The following OSBPL6 variants were observed in gnomAD, a reference collection of about 807,000 sequenced individuals.
The protein encoded by OSBPL6 is oxysterol binding protein like 6, also known as oxysterol-binding protein-related protein 6.
OSBPL6 carries 49 observed loss-of-function variants against 125.8 expected under a neutral mutation model. The ratio of observed to expected loss-of-function variants is 0.39; its 90% CI spans 0.31 to 0.49. OSBPL6 has a LOEUF of 0.49. OSBPL6 is among the 20% of genes least tolerant of loss of function. The pLI, the probability that OSBPL6 is intolerant of heterozygous loss-of-function variation, is 0.88. For synonymous variants in OSBPL6, 394 were observed against 391.8 expected, an observed-to-expected ratio of 1.01 and a Z score of -0.07; for missense variants, 986 against 1,135.4, an observed-to-expected ratio of 0.87 and a Z score of 1.89.
intron 2 of OSBPL6, among the ~76,000 whole-genome samples, chr2:178,287,554 A>G (rs1684822797): frequency 6.6e-6 from 1 of 152,180 alleles, no homozygotes; most frequent in African/African-American, 2.4e-5. Flanking sequence ...AAAGTACCTG[A>G]AAATTTGTTT....
rs1408251696 is a variant in OSBPL6, at chr2:178,395,240, CT to C, written c.2697-210del. Among the ~76,000 whole-genome samples the C allele has an allele frequency of 3.3e-5, 5 of 152,200 alleles. No homozygotes were observed. In the East Asian group the frequency reaches 9.6e-4, roughly 29 times the overall value. On this transcript the variant is annotated intron_variant, in intron 24 of 24. Coordinates refer to ENST00000190611, the MANE Select transcript of OSBPL6 (RefSeq NM_032523.4). ...GTTCCTGCCCTGAGTTCCTCTCCCC[CT>C]GGCCCTACCTACTTCCATTTCACAC...
At chr2:178,344,018 G>T (rs559265174) in intron 11 of OSBPL6, among the ~76,000 whole-genome samples, 203 of 152,038 alleles carry the variant, frequency 1.3e-3, no homozygotes, top group Non-Finnish European at 1.3e-3. Context: ...CCTTAAAATC[G>T]CAGGCTGTCC....
intron 4 of OSBPL6, 38 bp from the exon 5 acceptor site, chr2:178,328,218 T>A (rs2154075506): frequency 6.2e-7 from 1 of 1,611,462 alleles, no homozygotes. Flanking sequence ...CATCAGGCAC[T>A]GAGTAACATG....
Position 178,385,692 on chromosome 2 carries a change from A to C in OSBPL6, c.2077+171A>C, listed in dbSNP as rs746073369. Among the ~76,000 whole-genome samples the C allele has an allele frequency of 2.6e-5, 4 of 152,242 alleles. No homozygotes were observed. In the East Asian group the frequency reaches 5.8e-4, roughly 22 times the overall value. ...ATCAAAATTCCTGGTTTCAACATGA[A>C]ACAGTTTCAGCTAGGAGATGAGATT... On this transcript the variant is annotated intron_variant, in intron 19 of 24. Coordinates refer to ENST00000190611, the MANE Select transcript of OSBPL6 (RefSeq NM_032523.4).
At chr2:178,198,655 T>TAAATAAATA (rs942613582) in intron 1 of OSBPL6, among the ~76,000 whole-genome samples, 2 of 151,006 alleles carry the variant, frequency 1.3e-5, no homozygotes, top group African/African-American at 2.4e-5. Context: ...AATAAATAAA[T>TAAATAAATA]AAGAGAACTG....
At position 178,234,518 on chromosome 2, in the gene OSBPL6, A is replaced by G. The variant is rs112708635; in HGVS notation, c.-351+39844A>G. Among the ~76,000 whole-genome samples the G allele has an allele frequency of 5.1e-3, 772 of 152,348 alleles. 6 individuals are homozygous for G. The highest frequency in any genetic ancestry group is 0.017 in the African/African-American group (699 of 41,586). On this transcript the variant is annotated intron_variant, in intron 1 of 24. Coordinates refer to ENST00000190611, the MANE Select transcript of OSBPL6 (RefSeq NM_032523.4). ...TACAGGGAGGTACTGTGTACATTTC[A>G]CTGTTTCCCCCAAAGGTAACATCTT...
intron 1 of OSBPL6, among the ~76,000 whole-genome samples, chr2:178,246,774 T>C (rs1419942063): frequency 6.6e-6 from 1 of 152,184 alleles, no homozygotes; most frequent in Non-Finnish European, 1.5e-5. Context: ...CTCACTCCAC[T>C]CCAGAAAGTC....
At chr2:178,301,691 G>A (rs1475582653) in intron 2 of OSBPL6, among the ~76,000 whole-genome samples, 1 of 152,048 alleles carries the variant, frequency 6.6e-6, no homozygotes, top group Non-Finnish European at 1.5e-5. Context: ...GACTCACCTA[G>A]GCCATGTGAC....
chr2:178,377,885 G>A (rs1297278987), intron 15 of OSBPL6, among the ~76,000 whole-genome samples: 1 of 152,172 alleles, frequency 6.6e-6, no homozygotes, highest in Non-Finnish European at 1.5e-5. Flanking sequence ...CTGGAGTGCA[G>A]TGGTGCAATC....
intron 12 of OSBPL6, among the ~76,000 whole-genome samples, chr2:178,353,266 G>C (rs1200163857): frequency 6.6e-6 from 1 of 152,166 alleles, no homozygotes; most frequent in African/African-American, 2.4e-5. Context: ...GGCATAAGTA[G>C]GCTTCAGAAG....
chr2:178,338,857 C>A, intron 9 of OSBPL6, 134 bp from the exon 10 acceptor site: 1 of 604,550 alleles, frequency 1.7e-6, no homozygotes, highest in Non-Finnish European at 2.9e-6. Flanking sequence ...TTTTGTTTCA[C>A]CTGCCAGTAT....
intron 1 of OSBPL6, among the ~76,000 whole-genome samples, chr2:178,203,145 T>C (rs2089345161): frequency 6.6e-6 from 1 of 152,184 alleles, no homozygotes; most frequent in Admixed American, 6.5e-5. Flanking sequence ...CTGTTTCACT[T>C]TGGATAGTTT....
intron 19 of OSBPL6, among the ~76,000 whole-genome samples, chr2:178,386,724 G>GAC (rs10578361): frequency 2.3e-3 from 340 of 144,836 alleles, no homozygotes; most frequent in Middle Eastern, 7.1e-3. Flanking sequence ...CACACACACA[G>GAC]ACACACACAC....
At chr2:178,317,047 G>A (rs1478505017) in intron 3 of OSBPL6, among the ~76,000 whole-genome samples, 4 of 151,812 alleles carry the variant, frequency 2.6e-5, no homozygotes, top group African/African-American at 9.7e-5. Context: ...GCTGGTTATG[G>A]GTGGTTTTAA....
At position 178,269,829 on chromosome 2, in the gene OSBPL6, A is replaced by T. The variant is rs80326095; in HGVS notation, c.-350-15098A>T. Among the ~76,000 whole-genome samples, 1,317 of 152,302 alleles carry T rather than the reference A, an allele frequency of 8.6e-3. 20 individuals are homozygous for T. Among genetic ancestry groups the T allele is most frequent in the African/African-American group, 0.03 (1,255 of 41,578 alleles). On this transcript the variant is annotated intron_variant, in intron 1 of 24. Transcript: ENST00000190611. The stretch of plus-strand genomic sequence containing the variant: ...GTAGGGCCATCACTTAGGAAGGCAA[A>T]TAATAGGAAAAGCATAGTGGCAGCC...
chr2:178,352,579 G>A (rs1480611016), intron 12 of OSBPL6, among the ~76,000 whole-genome samples: 1 of 152,212 alleles, frequency 6.6e-6, no homozygotes, highest in Non-Finnish European at 1.5e-5. Context: ...AAACAAAGCA[G>A]TCAGGAAGCT....
At chr2:178,382,537 C>G (rs1026918703) in intron 16 of OSBPL6, 30 bp downstream of exon 16, 13 of 1,613,710 alleles carry the variant, frequency 8.1e-6, no homozygotes, top group South Asian at 1.1e-5. Context: ...CCAGGTTGTT[C>G]TATCTACATG....
At chr2:178,233,202 T>C (rs537338379) in intron 1 of OSBPL6, among the ~76,000 whole-genome samples, 2 of 152,372 alleles carry the variant, frequency 1.3e-5, no homozygotes, top group South Asian at 4.1e-4. Flanking sequence ...TTTTCAGGCT[T>C]GGATAGGTTT....
intron 1 of OSBPL6, among the ~76,000 whole-genome samples, chr2:178,212,970 G>A (rs543031382): frequency 2.5e-4 from 38 of 152,178 alleles, no homozygotes; most frequent in African/African-American, 8.7e-4. Context: ...ACCACACTCG[G>A]CTAATTTTTT....
Sources: allele counts gnomAD v4.1 joint callset (sites outside exome capture counted in the v4.1 genomes callset), GRCh38; gene constraint gnomAD v4.1.1; transcripts MANE v1.5; gene names NCBI Gene and HGNC (gene_info 2026-07-23, HGNC 2026-07-21).